Variants in POC1B observed in about 807,000 individuals in gnomAD.
POC1B encodes POC1 centriolar protein homolog B.
In POC1B, 44 loss-of-function variants were observed where a neutral mutation model predicts 60.6. The ratio of observed to expected loss-of-function variants is 0.73; its 90% CI spans 0.57 to 0.93. POC1B has a LOEUF of 0.93. POC1B is among the 40% of genes least tolerant of loss of function. The probability of loss-of-function intolerance (pLI) is 0.00; values close to 1 mark genes in which losing one functional copy is unlikely to be tolerated. For synonymous variants in POC1B, 180 were observed against 198.9 expected, an observed-to-expected ratio of 0.90 and a Z score of 0.80; for missense variants, 555 against 572.3, an observed-to-expected ratio of 0.97 and a Z score of 0.31.
At chr12:89,448,676 A>G (rs1249388888) in intron 10 of POC1B, among the ~76,000 whole-genome samples, 2 of 152,250 alleles carry the variant, frequency 1.3e-5, no homozygotes, top group African/African-American at 4.8e-5. Context: ...TCAGGAAGCT[A>G]TATCCACACA....
intron 2 of POC1B, chr12:89,502,160 C>A: frequency 8.6e-7 from 1 of 1,165,254 alleles, no homozygotes; most frequent in Non-Finnish European, 1.3e-6. Context: ...GAAAGTGGAC[C>A]TTCCAGGCTC....
chr12:89,510,424 C>G (rs1382865339), intron 2 of POC1B, among the ~76,000 whole-genome samples: 1 of 152,202 alleles, frequency 6.6e-6, no homozygotes, highest in Non-Finnish European at 1.5e-5. Flanking sequence ...ATTCAGCTCT[C>G]AGTCTAGCAG....
chr12:89,501,952 C>A, intron 2 of POC1B: 2 of 997,368 alleles, frequency 2.0e-6, no homozygotes, highest in South Asian at 1.3e-5. Context: ...CCTGAGTGAG[C>A]CATTGGAAAG....
chr12:89,430,890 A>T (rs1391200329), intron 10 of POC1B, among the ~76,000 whole-genome samples: 1 of 152,130 alleles, frequency 6.6e-6, no homozygotes, highest in East Asian at 1.9e-4. Flanking sequence ...AAATATTAGC[A>T]ATTTGATAGT....
At chr12:89,508,574 C>G (rs1395581938) in intron 2 of POC1B, among the ~76,000 whole-genome samples, 1 of 152,144 alleles carries the variant, frequency 6.6e-6, no homozygotes, top group Non-Finnish European at 1.5e-5. Context: ...GTGATCCTAC[C>G]TCTACCATGT....
chr12:89,428,816 A>G (rs940803294), intron 10 of POC1B: 1 of 152,192 alleles, frequency 6.6e-6, no homozygotes, highest in Non-Finnish European at 1.5e-5. Context: ...TCGGCCTCCC[A>G]AAGTGCTGGG....
intron 10 of POC1B, among the ~76,000 whole-genome samples, chr12:89,457,149 T>G (rs550491294): frequency 1.3e-5 from 2 of 152,280 alleles, no homozygotes; most frequent in African/African-American, 4.8e-5. Context: ...TACAATCACA[T>G]GCAAAGTACA....
chr12:89,486,732 C>T (rs1203314073), intron 4 of POC1B, among the ~76,000 whole-genome samples: 2 of 152,202 alleles, frequency 1.3e-5, no homozygotes, highest in African/African-American at 2.4e-5. Flanking sequence ...GCTAAAACTA[C>T]AGCAGCTGCG....
Position 89,421,150 on chromosome 12 carries a change from T to A in POC1B, c.*3A>T. The A allele has an allele frequency of 6.3e-7, 1 of 1,576,238 alleles. No individual in the cohort carries two copies. The highest frequency in any genetic ancestry group is 2.3e-5 in the East Asian group (1 of 44,110). ...GCCCAACAAATGAAAATGAATTTTTTATTCAGCTTTTCTGTTGGACAGCAC... is the reference window on the plus strand; with the variant it reads ...GCCCAACAAATGAAAATGAATTTTTAATTCAGCTTTTCTGTTGGACAGCAC... On this transcript the variant is annotated 3_prime_UTR_variant, in exon 12 of 12. Transcript: ENST00000313546.
intron 4 of POC1B, 35 bp downstream of exon 4, chr12:89,491,901 T>G (rs368312733): frequency 9.5e-5 from 136 of 1,434,314 alleles, no homozygotes; most frequent in Non-Finnish European, 1.2e-4. Flanking sequence ...AGAAAAAATA[T>G]GTGGACATCT....
At chr12:89,503,239 C>T (rs1388454755) in intron 2 of POC1B, among the ~76,000 whole-genome samples, 4 of 148,508 alleles carry the variant, frequency 2.7e-5, no homozygotes, top group African/African-American at 7.4e-5. Context: ...CTCAGCCTGC[C>T]GAGTGCCTGC....
chr12:89,489,627 AAGAC>A (rs1338132712), intron 4 of POC1B, among the ~76,000 whole-genome samples: 1 of 152,094 alleles, frequency 6.6e-6, no homozygotes, highest in Non-Finnish European at 1.5e-5. Flanking sequence ...GCTGTAAGGC[AAGAC>A]AGACAGAGCA....
At chr12:89,503,078 T>TCTATCCCTATCCCTATCCCTATCC (rs150344164) in intron 2 of POC1B, among the ~76,000 whole-genome samples, 14 of 149,824 alleles carry the variant, frequency 9.3e-5, no homozygotes, top group East Asian at 5.9e-4. Context: ...AAAAAAGACA[T>TCTATCCCTATCCCTATCCCTATCC]CTATCCCTAT....
chr12:89,514,320 C>T (rs1457870093), intron 2 of POC1B, among the ~76,000 whole-genome samples: 1 of 150,820 alleles, frequency 6.6e-6, no homozygotes, highest in Non-Finnish European at 1.5e-5. Context: ...GAGGCCTCCC[C>T]AGCCATGTTT....
At chr12:89,466,022 A>G (rs1013412223) in intron 9 of POC1B, among the ~76,000 whole-genome samples, 19 of 152,356 alleles carry the variant, frequency 1.2e-4, no homozygotes, top group Admixed American at 1.2e-3. Flanking sequence ...TCAGGAATAC[A>G]TCTCAAGAAC....
chr12:89,444,822 G>A (rs927164511), intron 10 of POC1B, among the ~76,000 whole-genome samples: 2 of 152,168 alleles, frequency 1.3e-5, no homozygotes, highest in Non-Finnish European at 2.9e-5. Context: ...AATTGTCCCT[G>A]TTTGCAGGTG....
intron 3 of POC1B, among the ~76,000 whole-genome samples, chr12:89,496,094 G>A (rs961444799): frequency 3.3e-5 from 5 of 152,046 alleles, no homozygotes; most frequent in African/African-American, 1.2e-4. Context: ...TCACTATAAT[G>A]TAGAATCAAT....
chr12:89,495,006 G>A (rs1008425659), intron 3 of POC1B, among the ~76,000 whole-genome samples: 1 of 152,186 alleles, frequency 6.6e-6, no homozygotes, highest in African/African-American at 2.4e-5. Context: ...TAAGTACTAA[G>A]GTTTTGTGAC....
At chr12:89,470,671 G>A (rs1882855559) in intron 6 of POC1B, among the ~76,000 whole-genome samples, 177 bp from the exon 7 acceptor site, 2 of 152,196 alleles carry the variant, frequency 1.3e-5, no homozygotes, top group Admixed American at 6.5e-5. Flanking sequence ...CTTCCAGTTA[G>A]AGAGCCAGAA....
Sources: gnomAD v4.1 joint callset for allele counts (sites outside exome capture counted in the v4.1 genomes callset) on GRCh38, gnomAD v4.1.1 for gene constraint, MANE v1.5 for transcripts, NCBI Gene and HGNC (gene_info 2026-07-23, HGNC 2026-07-21) for gene names.